The following SBF2 variants were observed in gnomAD, a reference collection of about 807,000 sequenced individuals.
The protein encoded by SBF2 is myotubularin-related protein 13.
A neutral mutation model predicts 225.2 loss-of-function variants in SBF2; 112 were observed. The observed-to-expected ratio is 0.50, with a 90% confidence interval of 0.43 to 0.58. The LOEUF (loss-of-function observed/expected upper bound fraction) is 0.58. Ranked by LOEUF, SBF2 falls within the 20% of genes least tolerant of loss-of-function variation. SBF2 has a pLI of 0.00. For missense variants in SBF2, 1,996 were observed against 2,206.2 expected (o/e 0.90, Z 1.91); for synonymous variants, 763 against 773.3 (o/e 0.99, Z 0.22).
chr11:9,920,219 T>TATACAC (rs1554954766), intron 16 of SBF2, among the ~76,000 whole-genome samples: 1 of 149,528 alleles, frequency 6.7e-6, no homozygotes, highest in Non-Finnish European at 1.5e-5. Flanking sequence ...TATATATATA[T>TATACAC]ACACACACAT....
At chr11:10,145,737 C>A (rs894429631) in intron 2 of SBF2, among the ~76,000 whole-genome samples, 1 of 152,108 alleles carries the variant, frequency 6.6e-6, no homozygotes, top group Non-Finnish European at 1.5e-5. Context: ...GTGCTCTATA[C>A]TAATGTCACA....
intron 14 of SBF2, among the ~76,000 whole-genome samples, chr11:9,967,931 G>GTCTCTCTC (rs1867037496): frequency 8.6e-6 from 1 of 115,890 alleles, no homozygotes; most frequent in African/African-American, 3.2e-5. Context: ...CTGTCTGTCT[G>GTCTCTCTC]TCTGTCTGTC....
intron 17 of SBF2, among the ~76,000 whole-genome samples, chr11:9,873,922 G>A (rs566826734): frequency 1.5e-5 from 2 of 132,076 alleles, no homozygotes; most frequent in Admixed American, 8.1e-5. Flanking sequence ...GGTGGCAGGC[G>A]CATGTAATCT....
chr11:9,804,134 A>AAAAC (rs1428369378), intron 32 of SBF2, among the ~76,000 whole-genome samples: 1 of 152,194 alleles, frequency 6.6e-6, no homozygotes, highest in Non-Finnish European at 1.5e-5. Flanking sequence ...TATTTTCTGA[A>AAAAC]AAACAAACAA....
intron 2 of SBF2, among the ~76,000 whole-genome samples, chr11:10,115,331 T>C (rs1675088305): frequency 6.6e-6 from 1 of 152,180 alleles, no homozygotes; most frequent in Non-Finnish European, 1.5e-5. Flanking sequence ...ATAAAAATAA[T>C]ATTAAATACA....
chr11:10,216,559 C>T lies in SBF2; in HGVS notation c.56-22572G>A, dbSNP rs187515084. Among the ~76,000 whole-genome samples, 4 of 152,300 alleles carry T rather than the reference C, an allele frequency of 2.6e-5. No individual in the cohort carries two copies. In the East Asian group the frequency reaches 5.8e-4, roughly 22 times the overall value. ...TAGAAGAATTAGTTCAGAGTAAGAA[C>T]TTCTAAAAGGATTAAAAAGTAAAAA... is the stretch of plus-strand genomic sequence containing the variant. On this transcript the variant is annotated intron_variant, in intron 1 of 39. Coordinates refer to ENST00000256190, the MANE Select transcript of SBF2 (RefSeq NM_030962.4).
intron 2 of SBF2, among the ~76,000 whole-genome samples, chr11:10,152,878 A>G (rs2135178005): frequency 6.6e-6 from 1 of 152,326 alleles, no homozygotes; most frequent in African/African-American, 2.4e-5. Context: ...AGAAAGGAAT[A>G]GCTTGATCAA....
intron 1 of SBF2, among the ~76,000 whole-genome samples, chr11:10,267,644 G>A (rs573749622): frequency 6.6e-6 from 1 of 151,510 alleles, no homozygotes; most frequent in Non-Finnish European, 1.5e-5. Context: ...ATATAGATGG[G>A]ATGGAGCTGA....
At chr11:10,271,056 G>A (rs1007735579) in intron 1 of SBF2, among the ~76,000 whole-genome samples, 1 of 150,578 alleles carries the variant, frequency 6.6e-6, no homozygotes, top group Admixed American at 6.6e-5. Context: ...TACGTATATG[G>A]ATGCACACAA....
chr11:9,991,869 A>G (rs1171932481), intron 12 of SBF2, among the ~76,000 whole-genome samples: 1 of 152,112 alleles, frequency 6.6e-6, no homozygotes, highest in African/African-American at 2.4e-5. Context: ...TGGCTCTATG[A>G]TTTTGATAGA....
At chr11:10,164,917 T>C (rs1955889343) in intron 2 of SBF2, 1 of 152,200 alleles carries the variant, frequency 6.6e-6, no homozygotes. Context: ...CCACAATTTA[T>C]TTGCTCTCAG....
In SBF2 at chr11:9,998,330, TC is replaced by T; in HGVS notation, c.910del (p.Glu304AsnfsTer22). On this transcript the variant is annotated frameshift_variant, in exon 9 of 40. Transcript: ENST00000256190. LOFTEE classifies it high-confidence loss of function. ...TGGGAGGGAAGAGAGGTGAATACAT[TC>T]GGGAATTTTAATAGTGCCTCCATCC... Reference protein sequence around the residue: ...DLDGGTIKIPECIHLSSLPEP... With the variant: ...DLDGGTIKIPXCIHLSSLPEP... The T allele has an allele frequency of 1.2e-6, 2 of 1,609,878 alleles. No homozygotes were observed. Among genetic ancestry groups the T allele is most frequent in the Non-Finnish European group, 1.7e-6 (2 of 1,176,462 alleles).
intron 1 of SBF2, among the ~76,000 whole-genome samples, chr11:10,286,244 T>C (rs1963774886): frequency 6.6e-6 from 1 of 152,070 alleles, no homozygotes; most frequent in South Asian, 2.1e-4. Flanking sequence ...ACTGTGGTAA[T>C]CATTTCACAA....
chr11:10,299,327 G>A, intron 1 of SBF2, among the ~76,000 whole-genome samples: 1 of 113,264 alleles, frequency 8.8e-6, no homozygotes. Context: ...AACAGAGCAA[G>A]AGTCCATCTC....
chr11:10,227,632 A>G (rs1958630608), intron 1 of SBF2, among the ~76,000 whole-genome samples: 1 of 152,174 alleles, frequency 6.6e-6, no homozygotes, highest in Non-Finnish European at 1.5e-5. Context: ...AGATAGTTGT[A>G]GATATGCGGC....
chr11:9,817,769 T>TAAAAAAAAAAAAAAAAAAAAAAAAAAAA (rs1854535627), intron 28 of SBF2, among the ~76,000 whole-genome samples: 1 of 40,340 alleles, frequency 2.5e-5, no homozygotes, highest in African/African-American at 1.1e-4. Context: ...AAAAAAAAAC[T>TAAAAAAAAAAAAAAAAAAAAAAAAAAAA]ACAAAAAGAC....
chr11:9,973,082 C>T (rs1206329700), intron 13 of SBF2, among the ~76,000 whole-genome samples: 3 of 152,168 alleles, frequency 2.0e-5, no homozygotes, highest in Non-Finnish European at 4.4e-5. Flanking sequence ...TGCCCTCTAA[C>T]GGGCAGCATG....
chr11:10,134,625 A>G (rs1313136447), intron 2 of SBF2, among the ~76,000 whole-genome samples: 2 of 152,244 alleles, frequency 1.3e-5, no homozygotes, highest in Non-Finnish European at 2.9e-5. Flanking sequence ...AAGGGGTTAC[A>G]GGCACTGTGC....
chr11:9,825,790 T>G (rs1244607400), intron 28 of SBF2, among the ~76,000 whole-genome samples: 3 of 152,144 alleles, frequency 2.0e-5, no homozygotes, highest in Non-Finnish European at 2.9e-5. Context: ...AAACCCTTGG[T>G]GATGCAGTGA....
Sources: gnomAD v4.1 joint callset for allele counts (sites outside exome capture counted in the v4.1 genomes callset) on GRCh38, gnomAD v4.1.1 for gene constraint, MANE v1.5 for transcripts, NCBI Gene and HGNC (gene_info 2026-07-23, HGNC 2026-07-21) for gene names.